GALNT5: variants seen among roughly 807,000 people sequenced by gnomAD.
GALNT5 encodes UDP-GalNAc:polypeptide N-acetylgalactosaminyltransferase 5.
GALNT5 carries 72 observed loss-of-function variants against 85.4 expected under a neutral mutation model. The ratio of observed to expected loss-of-function variants is 0.84; its 90% confidence interval spans 0.70 to 1.03. The LOEUF (loss-of-function observed/expected upper bound fraction) is 1.03. Ranked by LOEUF, GALNT5 falls within the 50% of genes least tolerant of loss-of-function variation. GALNT5 has a pLI of 0.00. For synonymous variants in GALNT5, 404 were observed against 397.0 expected, an observed-to-expected ratio of 1.02 and a Z score of -0.21; for missense variants, 1,137 against 1,135.5, an observed-to-expected ratio of 1.00 and a Z score of -0.02.
At chr2:157,272,071 GA>G (rs1051165969) in intron 1 of GALNT5, among the ~76,000 whole-genome samples, 8 of 152,142 alleles carry the variant, frequency 5.3e-5, no homozygotes, top group Admixed American at 2.0e-4. Flanking sequence ...GTGGCCAAAG[GA>G]AACTAGACTT....
chr2:157,266,454 G>A (rs1425430153), intron 1 of GALNT5, among the ~76,000 whole-genome samples: 1 of 152,136 alleles, frequency 6.6e-6, no homozygotes, highest in Non-Finnish European at 1.5e-5. Flanking sequence ...TCCTTAGCTT[G>A]CCAAGGCCCT....
intron 7 of GALNT5, among the ~76,000 whole-genome samples, chr2:157,304,575 C>T (rs1683414053): frequency 6.6e-6 from 1 of 152,190 alleles, no homozygotes; most frequent in Non-Finnish European, 1.5e-5. Flanking sequence ...TTTCCCAGTG[C>T]AGCATTCAAC....
Position 157,259,457 on chromosome 2 carries a change from T to A in GALNT5, c.1375T>A (p.Trp459Arg), listed in dbSNP as rs139013111. 5.5e-6 allele frequency: 8 copies of A among 1,464,062 alleles called. No homozygotes were observed. The highest frequency in any genetic ancestry group is 5.4e-6 in the Non-Finnish European group (6 of 1,106,120). The allele number at this position is 1,464,062 out of a possible 1,614,324, so 90.7% of individuals were successfully genotyped here. A position where few individuals can be genotyped will look rare whatever the true frequency, so the allele number is the denominator to read the frequency against. ...HGKEKEAERR[W>R]KEGNFNVYLS... ...AAAGGAGAAGGAGGCAGAAAGAAGA[T>A]GGAAAGAAGGAAACTTCAATGTCTA... The change falls in exon 1 of 10, where the codon TGG (tryptophan) becomes AGG (arginine). Residue 459 changes from tryptophan (W) to arginine (R), a missense_variant. By Grantham distance (101) the Trp-to-Arg change is moderately radical. Coordinates refer to ENST00000259056, the MANE Select transcript of GALNT5 (RefSeq NM_014568.3).
chr2:157,277,884 T>C (rs761902790), intron 1 of GALNT5, among the ~76,000 whole-genome samples: 4 of 152,232 alleles, frequency 2.6e-5, no homozygotes, highest in Non-Finnish European at 4.4e-5. Flanking sequence ...CTGGTTAGTT[T>C]GCCCATTAAT....
rs569891885 is a variant in GALNT5, at chr2:157,294,827, A to G, written c.1742-836A>G. On this transcript the variant is annotated intron_variant, in intron 3 of 9. Transcript: ENST00000259056. Reference sequence around the variant, plus strand: ...ACACACACACACACACACACACTTCACTTGTATAAGATCCTCTGGAGCAAT... The same window carrying G: ...ACACACACACACACACACACACTTCGCTTGTATAAGATCCTCTGGAGCAAT... Among the ~76,000 whole-genome samples, 151 of 150,322 alleles carry G rather than the reference A, an allele frequency of 1.0e-3. 5 individuals are homozygous for G. The South Asian group carries it at 0.031, about 31-fold the overall frequency.
In GALNT5 at chr2:157,311,583, A is replaced by G; in HGVS notation, c.*235A>G. 1 of 391,700 alleles carries G rather than the reference A, an allele frequency of 2.6e-6. No homozygotes were observed. The highest frequency in any genetic ancestry group is 4.6e-6 in the Non-Finnish European group (1 of 218,906). 24.3% of individuals were successfully genotyped at this position (391,700 alleles called of 1,614,324 possible). A position where few individuals can be genotyped will look rare whatever the true frequency, so the allele number is the denominator to read the frequency against. ...GTGGCCTTTGAATTGCCTGCTTTCC[A>G]CCCTATGCTAGACCTCATCATGCAA... On this transcript the variant is annotated 3_prime_UTR_variant, in exon 10 of 10. Coordinates refer to ENST00000259056, the MANE Select transcript of GALNT5 (RefSeq NM_014568.3).
At chr2:157,304,459 G>A (rs1574034821) in intron 7 of GALNT5, among the ~76,000 whole-genome samples, 1 of 152,304 alleles carries the variant, frequency 6.6e-6, no homozygotes, top group South Asian at 2.1e-4. Context: ...AAGGCAGGTG[G>A]TGTAAATATT....
intron 8 of GALNT5, among the ~76,000 whole-genome samples, chr2:157,306,386 C>G (rs1301853764): frequency 6.6e-6 from 1 of 152,142 alleles, no homozygotes; most frequent in Non-Finnish European, 1.5e-5. Flanking sequence ...TAACCAAATC[C>G]ATGATCCATG....
In GALNT5 at chr2:157,313,986, T is replaced by A. The variant is rs893292177; in HGVS notation, c.*2638T>A. ...CTATATGGGCCTAAACTTGAGTGTA[T>A]TGATTTATTATTACATCTACTACCA... On this transcript the variant is annotated 3_prime_UTR_variant, in exon 10 of 10. Transcript: ENST00000259056. 2 of 152,170 alleles carry A rather than the reference T, an allele frequency of 1.3e-5. No individual in the cohort carries two copies. The highest frequency in any genetic ancestry group is 2.1e-4 in the South Asian group (1 of 4,826). The allele number at this position is 152,170 out of a possible 1,614,324, so 9.4% of individuals were successfully genotyped here.
Position 157,258,855 on chromosome 2 carries a change from C to G in GALNT5, c.773C>G (p.Thr258Ser). 2 of 1,575,684 alleles carry G rather than the reference C, an allele frequency of 1.3e-6. No individual in the cohort carries two copies. Among genetic ancestry groups the G allele is most frequent in the South Asian group, 1.2e-5 (1 of 85,786 alleles). ...GGGGAAGCCATGGCCTTAAACAAAA[C>G]TAAGACTCAGAGCAAAGAAGTCAAT... is the stretch of plus-strand genomic sequence containing the variant. ...KSGEAMALNK[T>S]KTQSKEVNAN... is the part of the protein sequence containing the mutation. The change falls in exon 1 of 10, where the codon ACT becomes AGT. Residue 258 changes from threonine (T) to serine (S), a missense_variant. Thr to Ser is a moderately conservative substitution (Grantham distance 58). Transcript: ENST00000259056.
chr2:157,265,502 A>G (rs187737608), intron 1 of GALNT5, among the ~76,000 whole-genome samples: 1 of 152,326 alleles, frequency 6.6e-6, no homozygotes, highest in Non-Finnish European at 1.5e-5. Flanking sequence ...TTTTCCTCCT[A>G]AATACTGTGA....
chr2:157,280,546 A>G (rs1175317114), intron 1 of GALNT5, among the ~76,000 whole-genome samples: 1 of 152,258 alleles, frequency 6.6e-6, no homozygotes, highest in East Asian at 1.9e-4. Flanking sequence ...ATATGTTACC[A>G]AGTTTGTGGT....
chr2:157,266,334 T>C (rs941767518), intron 1 of GALNT5, among the ~76,000 whole-genome samples: 4 of 152,140 alleles, frequency 2.6e-5, no homozygotes, highest in Non-Finnish European at 4.4e-5. Flanking sequence ...GGACCCAACC[T>C]CTAGTTTTCT....
At chr2:157,308,125 C>CT (rs1683492071) in intron 8 of GALNT5, among the ~76,000 whole-genome samples, 1 of 152,206 alleles carries the variant, frequency 6.6e-6, no homozygotes, top group African/African-American at 2.4e-5. Flanking sequence ...TGACTGGTAT[C>CT]TCCCTGTAGC....
chr2:157,275,877 A>G (rs952091257), intron 1 of GALNT5, among the ~76,000 whole-genome samples: 7 of 152,160 alleles, frequency 4.6e-5, no homozygotes, highest in African/African-American at 1.7e-4. Flanking sequence ...GAGTGGTGAG[A>G]GGGGCAACTT....
chr2:157,259,656 A>C (rs555401047), intron 1 of GALNT5, 120 bp downstream of exon 1: 1 of 656,300 alleles, frequency 1.5e-6, no homozygotes, highest in South Asian at 5.7e-5. Context: ...AAGAAACATT[A>C]ATCATTGGAT....
At chr2:157,307,743 T>C (rs1683483647) in intron 8 of GALNT5, among the ~76,000 whole-genome samples, 1 of 152,184 alleles carries the variant, frequency 6.6e-6, no homozygotes, top group Non-Finnish European at 1.5e-5. Context: ...GGTAAAGGCA[T>C]TTAGATAGAT....
At chr2:157,268,302 C>T (rs1682504075) in intron 1 of GALNT5, among the ~76,000 whole-genome samples, 1 of 152,224 alleles carries the variant, frequency 6.6e-6, no homozygotes, top group Admixed American at 6.5e-5. Flanking sequence ...ATTCAGCACA[C>T]AGAAGCCAGG....
intron 1 of GALNT5, among the ~76,000 whole-genome samples, chr2:157,271,735 C>A (rs1026009870): frequency 6.6e-6 from 1 of 152,164 alleles, no homozygotes; most frequent in Non-Finnish European, 1.5e-5. Context: ...GTTTCAGACA[C>A]ATTATGAGTG....
Sources: allele counts gnomAD v4.1 joint callset (sites outside exome capture counted in the v4.1 genomes callset), GRCh38; gene constraint gnomAD v4.1.1; transcripts MANE v1.5; gene names NCBI Gene and HGNC (gene_info 2026-07-23, HGNC 2026-07-21).